ARHGEF3: variants seen among roughly 807,000 people sequenced by gnomAD.
ARHGEF3 encodes 59.8 kDA protein.
Under a neutral mutation model 63.2 loss-of-function variants are expected in ARHGEF3, and 28 were observed. The observed-to-expected ratio is 0.44, with a 90% CI of 0.33 to 0.61. The LOEUF is 0.61. Ranked by LOEUF, ARHGEF3 falls within the 20% of genes least tolerant of loss-of-function variation. The pLI is 0.03. For missense variants in ARHGEF3, 533 were observed against 659.3 expected (o/e 0.81, Z 2.10); for synonymous variants, 266 against 254.2 (o/e 1.05, Z -0.44).
intron 1 of ARHGEF3, among the ~76,000 whole-genome samples, chr3:56,800,241 G>A (rs538493116): frequency 1.3e-5 from 2 of 152,218 alleles, no homozygotes; most frequent in East Asian, 3.9e-4. Flanking sequence ...TAATTTATTG[G>A]TTATGCCTTT....
chr3:56,960,548 G>A (rs1294254411), intron 2 of ARHGEF3: 1 of 152,218 alleles, frequency 6.6e-6, no homozygotes, highest in African/African-American at 2.4e-5. Flanking sequence ...TCAGCGTGGT[G>A]CCCCTGTCCC....
intron 1 of ARHGEF3, among the ~76,000 whole-genome samples, chr3:57,071,676 AT>A (rs1442623978): frequency 1.2e-3 from 184 of 149,756 alleles, no homozygotes; most frequent in African/African-American, 4.1e-3. Flanking sequence ...AAAAAAAAAA[AT>A]ATGCCTTAGG....
intron 1 of ARHGEF3, among the ~76,000 whole-genome samples, chr3:57,072,126 T>C (rs899269473): frequency 2.0e-5 from 3 of 151,216 alleles, no homozygotes; most frequent in Non-Finnish European, 4.4e-5. Context: ...ATAACAAGAG[T>C]TGATGAAGAT....
intron 4 of ARHGEF3, among the ~76,000 whole-genome samples, chr3:56,836,663 C>T (rs750966273): frequency 9.2e-5 from 14 of 152,122 alleles, no homozygotes; most frequent in African/African-American, 3.4e-4. Context: ...CAGTAGCTTA[C>T]GCCTGTAGTC....
chr3:56,901,089 C>T (rs901188648), intron 3 of ARHGEF3, among the ~76,000 whole-genome samples: 2 of 152,222 alleles, frequency 1.3e-5, no homozygotes, highest in African/African-American at 2.4e-5. Flanking sequence ...GAGACTCTCA[C>T]TTTGTCTCAA....
chr3:57,062,680 C>T (rs1705294585), intron 1 of ARHGEF3, among the ~76,000 whole-genome samples: 1 of 152,086 alleles, frequency 6.6e-6, no homozygotes, highest in Non-Finnish European at 1.5e-5. Flanking sequence ...ACAGGACTCG[C>T]TGTTTCTCTG....
At position 56,775,216 on chromosome 3, in the gene ARHGEF3, T is replaced by C. The variant is rs753431897; in HGVS notation, c.97-1400A>G. 7.7e-6 allele frequency: 11 copies of C among 1,431,578 alleles called. No homozygotes were observed. The East Asian group carries it at 2.4e-4, about 32-fold the overall frequency. The allele number at this position is 1,431,578 out of a possible 1,614,324, so 88.7% of individuals were successfully genotyped here. A position where few individuals can be genotyped will look rare whatever the true frequency, so the allele number is the denominator to read the frequency against. ...TCAGATTCTCCAGGATATTTCTGCATCCCCGTTCTGAACATAGTAGGTGCC... is the reference window on the plus strand; with the variant it reads ...TCAGATTCTCCAGGATATTTCTGCACCCCCGTTCTGAACATAGTAGGTGCC... On this transcript the variant is annotated intron_variant, in intron 1 of 9. Coordinates refer to ENST00000296315, the MANE Select transcript of ARHGEF3 (RefSeq NM_019555.3).
intron 3 of ARHGEF3, among the ~76,000 whole-genome samples, chr3:56,899,677 G>C (rs945342711): frequency 6.6e-6 from 1 of 152,098 alleles, no homozygotes; most frequent in Admixed American, 6.5e-5. Context: ...CAAATGAGTG[G>C]GACTTAGGAA....
chr3:56,937,972 ATGTT>A (rs1698983115), intron 3 of ARHGEF3, among the ~76,000 whole-genome samples: 1 of 152,214 alleles, frequency 6.6e-6, no homozygotes, highest in South Asian at 2.1e-4. Flanking sequence ...TCTAAATGAA[ATGTT>A]AGGTCGAATC....
At chr3:56,967,845 T>TTATATAATAAATAATGACATATTA (rs1700636087) in intron 2 of ARHGEF3, among the ~76,000 whole-genome samples, 1 of 45,984 alleles carries the variant, frequency 2.2e-5, no homozygotes, top group Non-Finnish European at 3.8e-5. Flanking sequence ...AATTATATTA[T>TTATATAATAAATAATGACATATTA]TATATAATAT....
rs1704367194 is a variant in ARHGEF3, at chr3:57,044,621, CCAG to C, written c.-27-9448_-27-9446del. Among the ~76,000 whole-genome samples, 2 of 152,188 alleles carry C rather than the reference CCAG, an allele frequency of 1.3e-5. 1 individual carries two copies. Among genetic ancestry groups the C allele is most frequent in the South Asian group, 4.1e-4 (2 of 4,822 alleles). On this transcript the variant is annotated intron_variant, in intron 1 of 12. Transcript: ENST00000338458. ...TACATGGATAGACTGAGTACCAGTT[CCAG>C]TTTTCACTGCTTATGTACAAGCTGG...
intron 2 of ARHGEF3, among the ~76,000 whole-genome samples, chr3:57,005,501 G>C (rs1425881396): frequency 6.6e-6 from 1 of 152,126 alleles, no homozygotes; most frequent in East Asian, 1.9e-4. Context: ...AATGAGAACT[G>C]GATTTTTTTG....
At chr3:56,734,534 G>A (rs1000654563) in intron 8 of ARHGEF3, among the ~76,000 whole-genome samples, 1 of 152,192 alleles carries the variant, frequency 6.6e-6, no homozygotes, top group Non-Finnish European at 1.5e-5. Context: ...TCAGCACCAT[G>A]CAGTATATCC....
intron 1 of ARHGEF3, among the ~76,000 whole-genome samples, chr3:57,040,534 T>C (rs987137609): frequency 7.1e-6 from 1 of 140,812 alleles, no homozygotes; most frequent in African/African-American, 2.6e-5. Flanking sequence ...TCCCAGGCTA[T>C]TAGGAGTTAG....
At chr3:57,022,210 G>T (rs1223559055) in intron 2 of ARHGEF3, among the ~76,000 whole-genome samples, 1 of 152,112 alleles carries the variant, frequency 6.6e-6, no homozygotes, top group African/African-American at 2.4e-5. Context: ...GGAGTTTGAG[G>T]CTGCAGTGAG....
chr3:56,926,128 C>T (rs1156850560), intron 3 of ARHGEF3, among the ~76,000 whole-genome samples: 1 of 152,214 alleles, frequency 6.6e-6, no homozygotes. Flanking sequence ...AGCCAGGGAC[C>T]ATTCTCAGGG....
At chr3:56,898,662 A>G in intron 3 of ARHGEF3, 1 of 231,830 alleles carries the variant, frequency 4.3e-6, no homozygotes. Context: ...GGAAAATGAG[A>G]CAAAGAAAAG....
intron 1 of ARHGEF3, among the ~76,000 whole-genome samples, chr3:57,054,530 C>T (rs1406198986): frequency 2.7e-5 from 4 of 150,934 alleles, no homozygotes; most frequent in Non-Finnish European, 4.4e-5. Context: ...ACCAGCGACT[C>T]GGGAGGCTGA....
intron 1 of ARHGEF3, among the ~76,000 whole-genome samples, chr3:56,797,973 T>C (rs539196550): frequency 6.1e-4 from 93 of 152,338 alleles, no homozygotes; most frequent in Non-Finnish European, 1.1e-3. Context: ...AGCTGCTGAT[T>C]TTCTTTGCAG....
Sources: allele counts gnomAD v4.1 joint callset (sites outside exome capture counted in the v4.1 genomes callset), GRCh38; gene constraint gnomAD v4.1.1; transcripts MANE v1.5; gene names NCBI Gene and HGNC (gene_info 2026-07-23, HGNC 2026-07-21).